VAMP7: variants seen among roughly 807,000 people sequenced by gnomAD.
VAMP7 encodes the protein vesicle-associated membrane protein 7.
In VAMP7, 14 loss-of-function variants were observed where a neutral mutation model predicts 29.6. That is an observed-to-expected ratio of 0.47 (90% CI 0.31 to 0.74). VAMP7 has a LOEUF of 0.74. VAMP7 is among the 30% of genes least tolerant of loss of function. The pLI, the probability that VAMP7 is intolerant of heterozygous loss-of-function variation, is 0.05. For synonymous variants in VAMP7, 95 were observed against 88.1 expected (o/e 1.08, Z -0.44); for missense variants, 223 against 262.4 (o/e 0.85, Z 1.04).
intron 5 of VAMP7, among the ~76,000 whole-genome samples, chrX:155,918,587 T>C (rs1268942332): frequency 6.6e-6 from 1 of 152,134 alleles, no homozygotes; most frequent in Non-Finnish European, 1.5e-5. Flanking sequence ...TTGTGCTTCC[T>C]GGATGAGGCA....
chrX:155,917,918 C>T (rs1302034548), intron 5 of VAMP7, among the ~76,000 whole-genome samples: 1 of 152,148 alleles, frequency 6.6e-6, no homozygotes, highest in African/African-American at 2.4e-5. Context: ...GCCACCCCTT[C>T]CCCCAGGTGC....
intron 7 of VAMP7, among the ~76,000 whole-genome samples, chrX:155,940,942 A>G (rs1271617687): frequency 1.3e-5 from 2 of 152,148 alleles, no homozygotes; most frequent in South Asian, 2.1e-4. Context: ...AGGGCATGCA[A>G]TTCATCAATG....
chrX:155,895,653 G>A lies in VAMP7; in HGVS notation c.177G>A (p.Arg59=). 1 of 1,610,714 alleles carries A rather than the reference G, an allele frequency of 6.2e-7. No individual in the cohort carries two copies. The highest frequency in any genetic ancestry group is 2.2e-5 in the East Asian group (1 of 44,834). ...NYLFHYICQD[R]IVYLCITDDD... ...TGTTTCATTACATCTGCCAAGACAG[G>A]ATTGTATATCTTTGTATCACTGATG... Residue 59 remains arginine (R), a synonymous_variant, in exon 3 of 8, where the codon AGG becomes AGA. Transcript: ENST00000286448.
intron 6 of VAMP7, among the ~76,000 whole-genome samples, chrX:155,928,119 C>T (rs1255414587): frequency 6.6e-6 from 1 of 151,824 alleles, no homozygotes. Flanking sequence ...AGACGGGTCT[C>T]CCTATGTTGC....
chrX:155,936,814 G>A (rs2066665312), intron 6 of VAMP7, among the ~76,000 whole-genome samples: 1 of 152,154 alleles, frequency 6.6e-6, no homozygotes, highest in South Asian at 2.1e-4. Context: ...TTCCTATTTG[G>A]CCATCTTGGA....
In VAMP7 at chrX:155,942,370, T is replaced by C. The variant is rs1056149667; in HGVS notation, c.*419T>C. On this transcript the variant is annotated 3_prime_UTR_variant, in exon 8 of 8. Coordinates refer to ENST00000286448, the MANE Select transcript of VAMP7 (RefSeq NM_005638.6). ...TAACATCTCATCTTAATGTCTTTTG[T>C]TATTGAGAAGTTTTAGGTGCTTCAA... is the stretch of plus-strand genomic sequence containing the variant. 2 of 554,708 alleles carry C rather than the reference T, an allele frequency of 3.6e-6. No homozygotes were observed. The highest frequency in any genetic ancestry group is 3.7e-5 in the African/African-American group (2 of 53,362). The allele number at this position is 554,708 out of a possible 1,614,324, so 34.4% of individuals were successfully genotyped here.
intron 6 of VAMP7, among the ~76,000 whole-genome samples, chrX:155,937,865 T>C (rs751230331): frequency 9.2e-5 from 14 of 152,320 alleles, no homozygotes; most frequent in Admixed American, 2.6e-4. Flanking sequence ...CTGGATTTGC[T>C]TGATCAGTTT....
At chrX:155,909,350 A>C (rs2066200190) in intron 5 of VAMP7, among the ~76,000 whole-genome samples, 1 of 152,030 alleles carries the variant, frequency 6.6e-6, no homozygotes, top group Admixed American at 6.6e-5. Flanking sequence ...TGATTTTAGT[A>C]ATGTAAGTTT....
intron 1 of VAMP7, among the ~76,000 whole-genome samples, chrX:155,888,826 CACTT>C (rs2065895198): frequency 1.3e-5 from 2 of 152,146 alleles, no homozygotes; most frequent in African/African-American, 4.8e-5. Flanking sequence ...TGCAGCTCCA[CACTT>C]ACTAGCTCTG....
At chrX:155,899,542 GCACA>G (rs34027276) in intron 4 of VAMP7, among the ~76,000 whole-genome samples, 2 of 150,334 alleles carry the variant, frequency 1.3e-5, no homozygotes, top group South Asian at 2.1e-4. Flanking sequence ...TAAATTTTAT[GCACA>G]CACACACACA....
At chrX:155,892,267 T>C (rs906791544) in intron 2 of VAMP7, among the ~76,000 whole-genome samples, 2 of 152,280 alleles carry the variant, frequency 1.3e-5, no homozygotes, top group Admixed American at 1.3e-4. Flanking sequence ...TTGTAAACTT[T>C]TGCTCACTTT....
intron 4 of VAMP7, 142 bp downstream of exon 4, chrX:155,898,391 A>T (rs1408836603): frequency 6.1e-6 from 5 of 824,790 alleles, no homozygotes; most frequent in Non-Finnish European, 6.7e-6. Flanking sequence ...TTCCCTGATT[A>T]AAAAAAAAAT....
intron 4 of VAMP7, 23 bp from the exon 5 acceptor site, chrX:155,900,474 A>C: frequency 6.4e-7 from 1 of 1,569,966 alleles, no homozygotes; most frequent in East Asian, 2.3e-5. Flanking sequence ...AGGTACCATA[A>C]GTTAAAACTT....
chrX:155,936,406 C>G (rs1225219456), intron 6 of VAMP7, among the ~76,000 whole-genome samples: 2 of 152,196 alleles, frequency 1.3e-5, no homozygotes, highest in African/African-American at 4.8e-5. Context: ...TGGCGGGCGC[C>G]TCTCCTCCAG....
Position 155,903,957 on chromosome X carries a change from A to C in VAMP7, c.433+3370A>C, listed in dbSNP as rs755455465. ...ATAGCAAAGACTTGGAACCAACCCAAATGTCCAACAATGATAGACTGGATT... is the reference window on the plus strand; with the variant it reads ...ATAGCAAAGACTTGGAACCAACCCACATGTCCAACAATGATAGACTGGATT... On this transcript the variant is annotated intron_variant, in intron 5 of 7. Coordinates refer to ENST00000286448, the MANE Select transcript of VAMP7 (RefSeq NM_005638.6). 8.5e-4 allele frequency among the ~76,000 whole-genome samples: 130 copies of C among 152,152 alleles called. 1 individual carries two copies. The South Asian group carries it at 0.022, about 26-fold the overall frequency.
intron 5 of VAMP7, among the ~76,000 whole-genome samples, chrX:155,915,077 T>C (rs2066291619): frequency 6.6e-6 from 1 of 152,184 alleles, no homozygotes; most frequent in African/African-American, 2.4e-5. Flanking sequence ...GACTTCTTCC[T>C]GGTTCAGTCT....
chrX:155,881,748 A>G (rs1465195443), intron 1 of VAMP7, among the ~76,000 whole-genome samples: 1 of 152,190 alleles, frequency 6.6e-6, no homozygotes, highest in Non-Finnish European at 1.5e-5. Flanking sequence ...TGTAGCATTT[A>G]AATCTCTTGA....
At chrX:155,917,733 A>T (rs1433495703) in intron 5 of VAMP7, among the ~76,000 whole-genome samples, 2 of 152,056 alleles carry the variant, frequency 1.3e-5, no homozygotes, top group Admixed American at 1.3e-4. Flanking sequence ...CCTGTATGAG[A>T]TGTCTGTCGA....
chrX:155,900,930 G>A (rs189435049), intron 5 of VAMP7, among the ~76,000 whole-genome samples: 17 of 152,114 alleles, frequency 1.1e-4, no homozygotes, highest in Admixed American at 2.6e-4. Flanking sequence ...AATTTTGGAC[G>A]CATAGGTTCT....
Sources: allele counts gnomAD v4.1 joint callset (sites outside exome capture counted in the v4.1 genomes callset), GRCh38; gene constraint gnomAD v4.1.1; transcripts MANE v1.5; gene names NCBI Gene and HGNC (gene_info 2026-07-23, HGNC 2026-07-21).